SLC38A9: variants seen among roughly 807,000 people sequenced by gnomAD.
SLC38A9 encodes the protein neutral amino acid transporter 9.
Under a neutral mutation model 62.3 loss-of-function variants are expected in SLC38A9, and 48 were observed. That is an observed-to-expected ratio of 0.77 (90% CI 0.61 to 0.98). The LOEUF (loss-of-function observed/expected upper bound fraction) is 0.98, where lower values mean the gene tolerates loss of function less well. Ranked by LOEUF, SLC38A9 falls within the 50% of genes least tolerant of loss-of-function variation. The pLI is 0.00. For synonymous variants in SLC38A9, 204 were observed against 227.7 expected, an observed-to-expected ratio of 0.90 and a Z score of 0.94; for missense variants, 541 against 679.8, an observed-to-expected ratio of 0.80 and a Z score of 2.27.
intron 14 of SLC38A9, among the ~76,000 whole-genome samples, chr5:55,631,190 G>C (rs1360264232): frequency 1.3e-5 from 2 of 152,078 alleles, no homozygotes; most frequent in Non-Finnish European, 2.9e-5. Context: ...AATACTGATA[G>C]CTATACCTGC....
chr5:55,652,404 CG>C, intron 10 of SLC38A9, 124 bp downstream of exon 10: 1 of 373,200 alleles, frequency 2.7e-6, no homozygotes. Flanking sequence ...AAAACAAAAA[CG>C]AATGAACAAA....
At chr5:55,711,103 G>A (rs1490236891) in intron 2 of SLC38A9, among the ~76,000 whole-genome samples, 1 of 150,792 alleles carries the variant, frequency 6.6e-6, no homozygotes, top group Non-Finnish European at 1.5e-5. Flanking sequence ...GACCAGCCTG[G>A]CCAACATGGT....
chr5:55,691,584 C>A (rs1311511420), intron 3 of SLC38A9, among the ~76,000 whole-genome samples: 1 of 152,230 alleles, frequency 6.6e-6, no homozygotes, highest in Non-Finnish European at 1.5e-5. Flanking sequence ...AGAATAGCAG[C>A]AATCCTGAAT....
intron 12 of SLC38A9, among the ~76,000 whole-genome samples, chr5:55,642,900 AGAAAGGT>A (rs1173167866): frequency 2.0e-5 from 3 of 152,234 alleles, no homozygotes; most frequent in African/African-American, 7.2e-5. Flanking sequence ...TCCTCTACTT[AGAAAGGT>A]TTTTGCCTTC....
intron 9 of SLC38A9, among the ~76,000 whole-genome samples, chr5:55,656,280 G>A (rs1318409018): frequency 6.6e-6 from 1 of 150,878 alleles, no homozygotes; most frequent in Non-Finnish European, 1.5e-5. Flanking sequence ...TTTATTACTA[G>A]AAAATGAATT....
At chr5:55,644,742 G>A (rs1746035438) in intron 12 of SLC38A9, among the ~76,000 whole-genome samples, 1 of 151,918 alleles carries the variant, frequency 6.6e-6, no homozygotes, top group Admixed American at 6.6e-5. Context: ...TATACTTTAA[G>A]TTTTAGGGTA....
Position 55,633,713 on chromosome 5 carries a change from G to A in SLC38A9, c.1430+41C>T, listed in dbSNP as rs528974979. The A allele has an allele frequency of 1.3e-5, 21 of 1,613,300 alleles. No homozygotes were observed. In the African/African-American group the frequency reaches 2.8e-4, roughly 22 times the overall value. ...AACTGACCTGCTTGCACAGTCATTT[G>A]TTGCTTGGCACATCCTGCTGGTCAA... On this transcript the variant is annotated intron_variant, in intron 14 of 15. Coordinates refer to ENST00000396865, the MANE Select transcript of SLC38A9 (RefSeq NM_173514.4).
chr5:55,633,676 A>G, intron 14 of SLC38A9, 78 bp downstream of exon 14: 1 of 1,590,696 alleles, frequency 6.3e-7, no homozygotes, highest in Non-Finnish European at 8.6e-7. Flanking sequence ...CAAAAGGATC[A>G]GTCACACTTT....
intron 2 of SLC38A9, among the ~76,000 whole-genome samples, chr5:55,707,882 G>A (rs1015095612): frequency 2.6e-5 from 4 of 152,126 alleles, no homozygotes; most frequent in African/African-American, 9.7e-5. Flanking sequence ...AAAGTTTGAA[G>A]GGAACTAGCT....
chr5:55,667,876 T>C (rs1012171498), intron 7 of SLC38A9, among the ~76,000 whole-genome samples: 1 of 151,830 alleles, frequency 6.6e-6, no homozygotes, highest in Non-Finnish European at 1.5e-5. Flanking sequence ...TGGTGTGGAG[T>C]AGTTTAATAA....
chr5:55,674,884 T>C (rs1751866267), intron 3 of SLC38A9, among the ~76,000 whole-genome samples: 1 of 152,210 alleles, frequency 6.6e-6, no homozygotes, highest in South Asian at 2.1e-4. Context: ...CACTCAGTGG[T>C]ACTAAAAAGC....
At chr5:55,649,695 G>A (rs914607654) in intron 10 of SLC38A9, among the ~76,000 whole-genome samples, 14 of 152,090 alleles carry the variant, frequency 9.2e-5, no homozygotes, top group Non-Finnish European at 1.5e-5. Flanking sequence ...GGTGGCACAC[G>A]CCTATAATCA....
At chr5:55,708,273 C>T (rs901264633) in intron 2 of SLC38A9, among the ~76,000 whole-genome samples, 2 of 152,068 alleles carry the variant, frequency 1.3e-5, no homozygotes, top group East Asian at 1.9e-4. Flanking sequence ...GAGATTGCAG[C>T]GAGCTACAAT....
At chr5:55,645,757 T>TCC in intron 12 of SLC38A9, 32 bp downstream of exon 12, 2 of 1,466,266 alleles carry the variant, frequency 1.4e-6, no homozygotes, top group Non-Finnish European at 1.9e-6. Context: ...CCTCGGGAGA[T>TCC]ACAAAAGTCA....
At chr5:55,696,029 C>G (rs1439960548) in intron 3 of SLC38A9, 1 of 71,186 alleles carries the variant, frequency 1.4e-5, no homozygotes, top group African/African-American at 4.6e-5. Flanking sequence ...GGGGGCTGAC[C>G]CCCCCACCTC....
At chr5:55,696,822 G>A (rs1327105127) in intron 3 of SLC38A9, 140 of 160,560 alleles carry the variant, frequency 8.7e-4, no homozygotes, top group African/African-American at 3.2e-3. Context: ...GCTGCCGGGC[G>A]GAGGGTCTCC....
At chr5:55,656,870 TC>T (rs374456008) in intron 8 of SLC38A9, 96 bp from the exon 9 acceptor site, 1 of 572,186 alleles carries the variant, frequency 1.7e-6, no homozygotes, top group Non-Finnish European at 2.8e-6. Flanking sequence ...CTTTTTTTTT[TC>T]TTTCTTTGAG....
At position 55,669,825 on chromosome 5, in the gene SLC38A9, A is replaced by G. The variant is rs750162589; in HGVS notation, c.301T>C (p.Leu101=). 6 of 1,613,684 alleles carry G rather than the reference A, an allele frequency of 3.7e-6. No homozygotes were observed. The highest frequency in any genetic ancestry group is 1.7e-5 in the Admixed American group (1 of 59,974). ...APEECYVYSP[L]GSAYKLQSYT... ...CTTTGAAGTTTATAAGCAGAGCCCAATGGACTATACACATAGCACTCTTCT... is the reference window on the plus strand; with the variant it reads ...CTTTGAAGTTTATAAGCAGAGCCCAGTGGACTATACACATAGCACTCTTCT... The change falls in exon 5 of 16, where the codon TTG becomes CTG. Residue 101 remains leucine, a synonymous_variant. Transcript: ENST00000396865.
chr5:55,661,132 C>G (rs554845735), intron 8 of SLC38A9, among the ~76,000 whole-genome samples: 5 of 151,860 alleles, frequency 3.3e-5, no homozygotes, highest in African/African-American at 1.2e-4. Flanking sequence ...TATGCCATGC[C>G]AAAGTCATGA....
Sources: allele counts gnomAD v4.1 joint callset (sites outside exome capture counted in the v4.1 genomes callset), GRCh38; gene constraint gnomAD v4.1.1; transcripts MANE v1.5; gene names NCBI Gene and HGNC (gene_info 2026-07-23, HGNC 2026-07-21).